Variants in FBN3 observed in about 807,000 individuals in gnomAD.
FBN3 encodes the protein fibrillin-3.
A neutral mutation model predicts 330.1 loss-of-function variants in FBN3; 234 were observed. That is an observed-to-expected ratio of 0.71 (90% CI 0.64 to 0.79). FBN3 has a LOEUF of 0.79. Among genes scored for constraint, FBN3 ranks in the 30% least tolerant of loss-of-function variants. The pLI, the probability that FBN3 is intolerant of heterozygous loss-of-function variation, is 0.00. For synonymous variants in FBN3, 1,458 were observed against 1,517.3 expected (o/e 0.96, Z 0.91); for missense variants, 3,606 against 3,886.9 (o/e 0.93, Z 1.92).
chr19:8,120,094 G>T (rs2082807023), intron 25 of FBN3, among the ~76,000 whole-genome samples: 1 of 151,000 alleles, frequency 6.6e-6, no homozygotes, highest in South Asian at 2.1e-4. Context: ...AGATCATGTG[G>T]CCCTTTTAAG....
chr19:8,141,392 G>C (rs2083412198), intron 8 of FBN3, among the ~76,000 whole-genome samples: 1 of 148,720 alleles, frequency 6.7e-6, no homozygotes, highest in East Asian at 2.0e-4. Flanking sequence ...AAAAGAGAGA[G>C]ACAGACAGCT....
chr19:8,138,489 C>CGA lies in FBN3; in HGVS notation c.939_940dup (p.Arg314LeufsTer93). On this transcript the variant is annotated frameshift_variant, in exon 9 of 64. Transcript: ENST00000600128. LOFTEE classifies it high-confidence loss of function. ...GCCCCTGTCACAGCAGCACTGCCTG[C>CGA]GAGTGTAGTGGCCGGCGAGGTCTCC... is the stretch of plus-strand genomic sequence containing the variant. 1 of 1,613,174 alleles carries CGA rather than the reference C, an allele frequency of 6.2e-7. No individual in the cohort carries two copies. Among genetic ancestry groups the CGA allele is most frequent in the Non-Finnish European group, 8.5e-7 (1 of 1,179,968 alleles).
In FBN3 at chr19:8,109,218, G is replaced by C. The variant is rs1222579275; in HGVS notation, c.4618+9C>G. The C allele has an allele frequency of 1.9e-6, 3 of 1,613,902 alleles. No individual in the cohort carries two copies. In the East Asian group the frequency reaches 6.7e-5, roughly 36 times the overall value. Reference sequence around the variant, plus strand: ...GGTCACGGTGTTCAACTGCCCCGCAGGGACTCACTGGTGTTGGCCATAGGG... The same window carrying C: ...GGTCACGGTGTTCAACTGCCCCGCACGGACTCACTGGTGTTGGCCATAGGG... On this transcript the variant is annotated intron_variant, in intron 36 of 63. Transcript: ENST00000600128. This position sits in a 1 kb window ranked among gnomAD's most constrained non-coding sequence, Gnocchi z 5.2.
Position 8,111,118 on chromosome 19 carries a change from C to A in FBN3, c.4150G>T (p.Gly1384Trp), listed in dbSNP as rs749227346. 2 of 1,613,572 alleles carry A rather than the reference C, an allele frequency of 1.2e-6. No homozygotes were observed. Among genetic ancestry groups the A allele is most frequent in the Non-Finnish European group, 8.5e-7 (1 of 1,179,742 alleles). The change falls in exon 33 of 64, where the codon GGG becomes TGG. Residue 1384 changes from glycine to tryptophan, a missense_variant. Coordinates refer to ENST00000600128, the MANE Select transcript of FBN3 (RefSeq NM_032447.5). ...CCCATCTCACATTCACAGCGGTACC[C>A]GCCGGGCGCATTGAGGCACTGCCCG... ...DNGQCLNAPG[G>W]YRCECEMGFD... is the part of the protein sequence containing the mutation.
At chr19:8,069,037 G>A (rs2081454823) in intron 63 of FBN3, among the ~76,000 whole-genome samples, 1 of 152,174 alleles carries the variant, frequency 6.6e-6, no homozygotes, top group South Asian at 2.1e-4. Context: ...AATGTCTTGG[G>A]ATGGCTGGTG....
chr19:8,111,227 G>C (rs1304972140), intron 32 of FBN3, 44 bp from the exon 33 acceptor site: 8 of 1,550,406 alleles, frequency 5.2e-6, no homozygotes, highest in African/African-American at 1.4e-5. Context: ...CGGTGGACCA[G>C]GACCCACACA....
intron 55 of FBN3, 48 bp downstream of exon 55, chr19:8,086,152 C>T (rs1191052339): frequency 8.1e-7 from 1 of 1,227,858 alleles, no homozygotes; most frequent in Non-Finnish European, 1.1e-6. Flanking sequence ...GCAGTGGGTG[C>T]CACATGGTAG....
chr19:8,087,126 G>C lies in FBN3; in HGVS notation c.6705C>G (p.Val2235=), dbSNP rs751396645. 1 of 1,611,076 alleles carries C rather than the reference G, an allele frequency of 6.2e-7. No individual in the cohort carries two copies. The highest frequency in any genetic ancestry group is 1.7e-5 in the Admixed American group (1 of 59,734). Reference sequence around the variant, plus strand: ...GCAGGGGCCGCATGCCTGGGGGACAGACGCACGCGAAGGTACCGATGAGGT... The same window carrying C: ...GCAGGGGCCGCATGCCTGGGGGACACACGCACGCGAAGGTACCGATGAGGT... ...CKNLIGTFAC[V]CPPGMRPLPG... The change falls in exon 54 of 64, where the codon GTC becomes GTG. Residue 2235 remains valine, a synonymous_variant. Coordinates refer to ENST00000600128, the MANE Select transcript of FBN3 (RefSeq NM_032447.5).
At chr19:8,128,948 C>T in intron 18 of FBN3, 80 bp downstream of exon 18, 1 of 1,501,046 alleles carries the variant, frequency 6.7e-7, no homozygotes, top group Non-Finnish European at 9.0e-7. Flanking sequence ...GTGTGCATGC[C>T]TGTGCGTGCA....
chr19:8,076,231 A>G (rs1025974746), intron 59 of FBN3, among the ~76,000 whole-genome samples: 2 of 124,984 alleles, frequency 1.6e-5, no homozygotes, highest in Non-Finnish European at 3.4e-5. Flanking sequence ...CAACCAGTGT[A>G]TGGGTTGTCC....
intron 58 of FBN3, 75 bp from the exon 59 acceptor site, chr19:8,081,194 G>A: frequency 6.7e-7 from 1 of 1,501,358 alleles, no homozygotes; most frequent in Non-Finnish European, 9.2e-7. Context: ...GGCTGCCCTT[G>A]CCACCTCCAG....
chr19:8,066,037 C>T lies in FBN3; in HGVS notation c.8312G>A (p.Gly2771Glu). The change falls in exon 64 of 64, where the codon GGA becomes GAA. Residue 2771 changes from glycine (G) to glutamate (E), a missense_variant. Transcript: ENST00000600128. ...LQLGRRRPGPGTYRLEVVSHM... is the reference protein window; with the variant it reads ...LQLGRRRPGPETYRLEVVSHM... ...GCTCACCACCTCCAGCCGGTAGGTT[C>T]CAGGCCCCGGCCGCCTCCGCCCCAG... is the stretch of plus-strand genomic sequence containing the variant. 1 of 1,613,144 alleles carries T rather than the reference C, an allele frequency of 6.2e-7. No individual in the cohort carries two copies. Among genetic ancestry groups the T allele is most frequent in the African/African-American group, 1.3e-5 (1 of 75,080 alleles).
At position 8,143,257 on chromosome 19, in the gene FBN3, GCCATCT is replaced by G. The variant is rs1282062821; in HGVS notation, c.542-1126_542-1121del. Among the ~76,000 whole-genome samples the G allele has an allele frequency of 7.2e-5, 11 of 152,160 alleles. No homozygotes were observed. The East Asian group carries it at 1.9e-3, about 27-fold the overall frequency. On this transcript the variant is annotated intron_variant, in intron 6 of 63. Coordinates refer to ENST00000600128, the MANE Select transcript of FBN3 (RefSeq NM_032447.5). ...CCCCATGGATGGGGCAGCCCACGCCGCCATCTCAGCCCCAGGCCTGAGTGTCCAGCT... is the reference window on the plus strand; with the variant it reads ...CCCCATGGATGGGGCAGCCCACGCCGCAGCCCCAGGCCTGAGTGTCCAGCT...
At position 8,065,747 on chromosome 19, in the gene FBN3, TGGCACAGA is replaced by T. The variant is rs1177464723; in HGVS notation, c.*164_*171del. On this transcript the variant is annotated 3_prime_UTR_variant, in exon 64 of 64. Transcript: ENST00000600128. ...TGAGTAACTGGGGGGCCCCCGGGGC[TGGCACAGA>T]GGCCCAGGCAGAGGCCGGGCTTGCC... 1.6e-6 allele frequency: 1 copy of T among 611,812 alleles called. No homozygotes were observed. The highest frequency in any genetic ancestry group is 3.3e-5 in the Admixed American group (1 of 30,292). 37.9% of individuals were successfully genotyped at this position (611,812 alleles called of 1,614,324 possible). A position where few individuals can be genotyped will look rare whatever the true frequency, so the allele number is the denominator to read the frequency against.
chr19:8,113,061 G>A (rs984666837), intron 30 of FBN3, among the ~76,000 whole-genome samples: 3 of 152,230 alleles, frequency 2.0e-5, no homozygotes, highest in Non-Finnish European at 2.9e-5. Flanking sequence ...GGTCTTCGTA[G>A]ATGTAACTAA....
chr19:8,067,220 G>C (rs1004135854), intron 63 of FBN3, among the ~76,000 whole-genome samples: 54 of 151,458 alleles, frequency 3.6e-4, no homozygotes, highest in Non-Finnish European at 6.9e-4. Flanking sequence ...CTGCCTCCTG[G>C]GTTCAAGTGA....
Position 8,066,191 on chromosome 19 carries a change from C to T in FBN3, c.8158G>A (p.Ala2720Thr), listed in dbSNP as rs375861193. 2 of 1,610,838 alleles carry T rather than the reference C, an allele frequency of 1.2e-6. No individual in the cohort carries two copies. The highest frequency in any genetic ancestry group is 1.7e-6 in the Non-Finnish European group (2 of 1,178,512). ...LGLNLSHLGR[A>T]ERILELRPAL... ...GGCCGGAGCTCCAGGATGCGCTCGG[C>T]CCGGCCCAGGTGTGAGAGGTTCAGG... Residue 2720 changes from alanine (A) to threonine (T), a missense_variant, in exon 64 of 64, where the codon GCC becomes ACC. Physicochemically the swap from Ala to Thr is moderately conservative, Grantham distance 58 (BLOSUM62 0). Coordinates refer to ENST00000600128, the MANE Select transcript of FBN3 (RefSeq NM_032447.5).
chr19:8,120,165 C>CTTTTTTTTTTTTTTTTTT (rs34799960), intron 25 of FBN3, among the ~76,000 whole-genome samples: 3 of 127,922 alleles, frequency 2.3e-5, no homozygotes, highest in Non-Finnish European at 3.2e-5. Context: ...TTCTTTCTTT[C>CTTTTTTTTTTTTTTTTTT]TTTTTTTTTT....
intron 33 of FBN3, 37 bp downstream of exon 33, chr19:8,111,021 C>T: frequency 6.2e-7 from 1 of 1,613,852 alleles, no homozygotes; most frequent in Non-Finnish European, 8.5e-7. Context: ...GGGGGACCTA[C>T]CCACTCTGTC....
Sources: gnomAD v4.1 joint callset for allele counts (sites outside exome capture counted in the v4.1 genomes callset) on GRCh38, gnomAD v4.1.1 for gene constraint, Gnocchi (gnomAD v3.1) non-coding constraint, MANE v1.5 for transcripts, NCBI Gene and HGNC (gene_info 2026-07-23, HGNC 2026-07-21) for gene names.